Variants in GNB1L observed in about 807,000 individuals in gnomAD.
GNB1L encodes the protein G protein subunit beta 1 like, also known as guanine nucleotide-binding protein subunit beta-like protein 1.
GNB1L carries 20 observed loss-of-function variants against 29.1 expected under a neutral mutation model. The observed-to-expected ratio is 0.69, with a 90% confidence interval of 0.48 to 1.00. GNB1L has a LOEUF of 1.00. GNB1L is among the 50% of genes least tolerant of loss of function. The probability of loss-of-function intolerance (pLI) is 0.00; values close to 1 mark genes in which losing one functional copy is unlikely to be tolerated. For synonymous variants in GNB1L, 193 were observed against 206.5 expected, an observed-to-expected ratio of 0.93 and a Z score of 0.56; for missense variants, 421 against 464.9, an observed-to-expected ratio of 0.91 and a Z score of 0.87.
At chr22:19,800,973 T>G (rs942201611) in intron 7 of GNB1L, among the ~76,000 whole-genome samples, 2 of 152,178 alleles carry the variant, frequency 1.3e-5, no homozygotes, top group East Asian at 3.9e-4. Context: ...GCAGCAGGCT[T>G]GCTGGGGCTG....
At chr22:19,832,239 A>T (rs1246188208) in intron 2 of GNB1L, among the ~76,000 whole-genome samples, 2 of 152,126 alleles carry the variant, frequency 1.3e-5, no homozygotes, top group Non-Finnish European at 2.9e-5. Context: ...CTGAGGTGGG[A>T]GGATCACTTA....
chr22:19,808,989 C>T (rs1049170189), intron 5 of GNB1L, among the ~76,000 whole-genome samples: 6 of 152,106 alleles, frequency 3.9e-5, no homozygotes, highest in East Asian at 1.9e-4. Context: ...CCAAATGATA[C>T]GGGAGAGGGG....
intron 2 of GNB1L, among the ~76,000 whole-genome samples, chr22:19,827,026 C>A (rs1937624714): frequency 6.6e-6 from 1 of 152,152 alleles, no homozygotes; most frequent in Middle Eastern, 3.4e-3. Flanking sequence ...GACATATAAA[C>A]CTTAGATCCT....
chr22:19,847,245 G>A (rs1040121160), intron 2 of GNB1L: 128 of 985,356 alleles, frequency 1.3e-4, no homozygotes, highest in Non-Finnish European at 1.5e-4. Context: ...GTGCAAGCAA[G>A]AAATAAGCAG....
intron 2 of GNB1L, among the ~76,000 whole-genome samples, chr22:19,853,720 G>T (rs994722304): frequency 8.4e-4 from 120 of 143,630 alleles, no homozygotes; most frequent in African/African-American, 3.1e-3. Flanking sequence ...CCCCCCTCTG[G>T]GGGGGGGGTC....
chr22:19,809,718 C>T (rs1466291112), intron 5 of GNB1L, among the ~76,000 whole-genome samples: 1 of 152,212 alleles, frequency 6.6e-6, no homozygotes, highest in Non-Finnish European at 1.5e-5. Flanking sequence ...ACCTCCATTG[C>T]ACGCCCCGGG....
rs1026796881 is a variant in GNB1L, at chr22:19,799,591, C to T, written c.732+2410G>A. Among the ~76,000 whole-genome samples, 7 of 152,360 alleles carry T rather than the reference C, an allele frequency of 4.6e-5. 1 individual carries two copies. Among genetic ancestry groups the T allele is most frequent in the East Asian group, 3.9e-4 (2 of 5,186 alleles). On this transcript the variant is annotated intron_variant, in intron 7 of 7. Coordinates refer to ENST00000329517, the MANE Select transcript of GNB1L (RefSeq NM_053004.3). ...CATGCTCTGCTCCAGGAACCTCATT[C>T]GCGTCTCTACTCCCAGCACCCGCCG... is the stretch of plus-strand genomic sequence containing the variant.
chr22:19,817,238 C>T (rs2145879051), intron 4 of GNB1L, among the ~76,000 whole-genome samples: 1 of 152,310 alleles, frequency 6.6e-6, no homozygotes, highest in Non-Finnish European at 1.5e-5. Context: ...CCTGTAATCC[C>T]AGCACTTTGG....
At chr22:19,853,330 CCCCT>C (rs1411840459) in intron 2 of GNB1L, among the ~76,000 whole-genome samples, 1 of 152,172 alleles carries the variant, frequency 6.6e-6, no homozygotes, top group Non-Finnish European at 1.5e-5. Flanking sequence ...GCTGGACCCG[CCCCT>C]CCTTCTCCAC....
At position 19,806,842 on chromosome 22, in the gene GNB1L, CCGG is replaced by C. The variant is rs927536749; in HGVS notation, c.418-88_418-86del. ...ACAAGAGACTCTTAAGGCGATTAGC[CCGG>C]GCTGCTGTGAGTTTCTGTCTGCTCC... On this transcript the variant is annotated intron_variant, in intron 5 of 7. Transcript: ENST00000329517. The C allele has an allele frequency of 5.5e-5, 56 of 1,024,120 alleles. No homozygotes were observed. In the African/African-American group the frequency reaches 6.2e-4, roughly 11 times the overall value. 63.4% of individuals were successfully genotyped at this position (1,024,120 alleles called of 1,614,324 possible).
chr22:19,808,959 C>G (rs144301283), intron 5 of GNB1L, among the ~76,000 whole-genome samples: 263 of 152,154 alleles, frequency 1.7e-3, no homozygotes, highest in Admixed American at 3.2e-3. Flanking sequence ...ACCACACTGC[C>G]TGGCTCACTC....
intron 7 of GNB1L, among the ~76,000 whole-genome samples, chr22:19,798,209 G>A (rs1184008826): frequency 6.6e-6 from 1 of 150,888 alleles, no homozygotes; most frequent in Admixed American, 6.6e-5. Context: ...AGGGCCGTGA[G>A]GGGATGCTGG....
rs1013541971 is a variant in GNB1L, at chr22:19,784,153, A to C, written c.*4556T>G. ...TAGCTAATTGAGTATAAGCATTTCT[A>C]AAGAACCCCCGGAGGGTTGTTTTTC... On this transcript the variant is annotated 3_prime_UTR_variant, in exon 8 of 8. Transcript: ENST00000329517. 1 of 152,204 alleles carries C rather than the reference A, an allele frequency of 6.6e-6. No individual in the cohort carries two copies. Among genetic ancestry groups the C allele is most frequent in the East Asian group, 1.9e-4 (1 of 5,184 alleles). The allele number at this position is 152,204 out of a possible 1,614,324, so 9.4% of individuals were successfully genotyped here. A position where few individuals can be genotyped will look rare whatever the true frequency, so the allele number is the denominator to read the frequency against.
At chr22:19,850,840 G>A in intron 2 of GNB1L, 1 of 1,307,424 alleles carries the variant, frequency 7.6e-7, no homozygotes, top group Non-Finnish European at 9.7e-7. Context: ...AGGTGACAAA[G>A]ATGATGCAAC....
intron 2 of GNB1L, among the ~76,000 whole-genome samples, chr22:19,839,876 A>C (rs1937828053): frequency 6.7e-6 from 1 of 149,582 alleles, no homozygotes. Flanking sequence ...ACTCCGTCTC[A>C]ATAATAATAA....
At chr22:19,848,162 T>C in intron 2 of GNB1L, 1 of 985,294 alleles carries the variant, frequency 1.0e-6, no homozygotes, top group Non-Finnish European at 1.2e-6. Context: ...TGCAGACAGG[T>C]ACTTTAAATA....
chr22:19,821,246 C>A lies in GNB1L; in HGVS notation c.110G>T (p.Arg37Leu), dbSNP rs5748449. The A allele has an allele frequency of 5.6e-6, 9 of 1,610,898 alleles. No individual in the cohort carries two copies. The highest frequency in any genetic ancestry group is 1.6e-4 in the Middle Eastern group (1 of 6,064). The change falls in exon 3 of 8, where the codon CGC becomes CTC. Residue 37 changes from arginine (R) to leucine (L), a missense_variant. By Grantham distance (102) the Arg-to-Leu change is moderately radical (BLOSUM62 -2). Transcript: ENST00000329517. ...HFCEGAQAQG[R>L]PLLFSGSQSG... is the part of the protein sequence containing the mutation. ...TACTCACCCTGAGAAGAGGAGCGGGCGCCCCTGAGCCTGGGCTCCTTCGCA... is the reference window on the plus strand; with the variant it reads ...TACTCACCCTGAGAAGAGGAGCGGGAGCCCCTGAGCCTGGGCTCCTTCGCA...
rs1938010042 is a variant in GNB1L at position 19,848,152 on chromosome 22, TG to T, written c.-21+6290del. The T allele has an allele frequency of 3.0e-6, 3 of 985,262 alleles. No homozygotes were observed. The African/African-American group carries it at 5.2e-5, about 17-fold the overall frequency. 61.0% of individuals were successfully genotyped at this position (985,262 alleles called of 1,614,324 possible). Reference sequence around the variant, plus strand: ...GTACTTCCTATTTTAAAGTTTTCCTTGCAGACAGGTACTTTAAATACCATCT... The same window carrying T: ...GTACTTCCTATTTTAAAGTTTTCCTTCAGACAGGTACTTTAAATACCATCT... On this transcript the variant is annotated intron_variant, in intron 2 of 7. Coordinates refer to ENST00000329517, the MANE Select transcript of GNB1L (RefSeq NM_053004.3).
chr22:19,837,763 G>A (rs1234904782), intron 2 of GNB1L, among the ~76,000 whole-genome samples: 2 of 152,194 alleles, frequency 1.3e-5, no homozygotes, highest in East Asian at 3.8e-4. Flanking sequence ...TCCACACCTG[G>A]ATATATCCAT....
Sources: allele counts gnomAD v4.1 joint callset (sites outside exome capture counted in the v4.1 genomes callset), GRCh38; gene constraint gnomAD v4.1.1; transcripts MANE v1.5; gene names NCBI Gene and HGNC (gene_info 2026-07-23, HGNC 2026-07-21).